The following DNAH6 variants were observed in gnomAD, a reference collection of about 807,000 sequenced individuals.
DNAH6 encodes axonemal beta dynein heavy chain 6.
A neutral mutation model predicts 491.4 loss-of-function variants in DNAH6; 340 were observed. That is an observed-to-expected ratio of 0.69 (90% CI 0.63 to 0.76). DNAH6 has a LOEUF of 0.76. Among genes scored for constraint, DNAH6 ranks in the 30% least tolerant of loss-of-function variants. DNAH6 has a pLI of 0.00. For synonymous variants in DNAH6, 1,603 were observed against 1,686.1 expected, an observed-to-expected ratio of 0.95 and a Z score of 1.21; for missense variants, 4,443 against 4,972.2, an observed-to-expected ratio of 0.89 and a Z score of 3.20.
chr2:84,605,384 C>T, intron 19 of DNAH6, 116 bp from the exon 20 acceptor site: 2 of 651,470 alleles, frequency 3.1e-6, no homozygotes, highest in Admixed American at 3.1e-5. Flanking sequence ...TTTTAGAGAG[C>T]AATAAGGAGG....
At chr2:84,542,103 C>G (rs943403243) in intron 4 of DNAH6, among the ~76,000 whole-genome samples, 3 of 152,090 alleles carry the variant, frequency 2.0e-5, no homozygotes, top group African/African-American at 7.2e-5. Context: ...GCACTGAGCA[C>G]CAAGTTAGAA....
chr2:84,742,036 A>G (rs952170265), intron 62 of DNAH6, among the ~76,000 whole-genome samples: 1 of 152,110 alleles, frequency 6.6e-6, no homozygotes, highest in Non-Finnish European at 1.5e-5. Context: ...CTGGTACTTC[A>G]TGTCTCTTCT....
intron 63 of DNAH6, among the ~76,000 whole-genome samples, chr2:84,760,790 G>A (rs1305969372): frequency 6.6e-6 from 1 of 152,184 alleles, no homozygotes; most frequent in African/African-American, 2.4e-5. Context: ...CTGTCACCCA[G>A]GCTGGATTGC....
intron 60 of DNAH6, among the ~76,000 whole-genome samples, chr2:84,724,820 A>G (rs1698473883): frequency 6.6e-6 from 1 of 152,242 alleles, no homozygotes; most frequent in Non-Finnish European, 1.5e-5. Context: ...TGGAAGCTCC[A>G]GGACTTCTTC....
intron 41 of DNAH6, among the ~76,000 whole-genome samples, chr2:84,679,190 G>A (rs1693538834): frequency 1.3e-5 from 2 of 152,188 alleles, no homozygotes; most frequent in African/African-American, 4.8e-5. Context: ...TATATATAAT[G>A]TTTTCAATAA....
chr2:84,621,071 A>G, intron 24 of DNAH6, 120 bp from the exon 25 acceptor site: 1 of 955,724 alleles, frequency 1.0e-6, no homozygotes, highest in Non-Finnish European at 1.5e-6. Flanking sequence ...TAGAAGTTTC[A>G]GTATTTGTGG....
intron 67 of DNAH6, among the ~76,000 whole-genome samples, chr2:84,786,307 T>C (rs1346125292): frequency 6.6e-6 from 1 of 151,624 alleles, no homozygotes; most frequent in Non-Finnish European, 1.5e-5. Context: ...ACACCTGTAG[T>C]CCCAGCTACT....
chr2:84,748,898 G>A (rs994099831), intron 63 of DNAH6, among the ~76,000 whole-genome samples: 1 of 152,204 alleles, frequency 6.6e-6, no homozygotes, highest in Non-Finnish European at 1.5e-5. Flanking sequence ...GGCTTCTGGT[G>A]AGGCCTCAGG....
At position 84,557,574 on chromosome 2, in the gene DNAH6, C is replaced by T. The variant is rs556673612; in HGVS notation, c.1603-161C>T. Among the ~76,000 whole-genome samples, 7 of 132,462 alleles carry T rather than the reference C, an allele frequency of 5.3e-5. No individual in the cohort carries two copies. The East Asian group carries it at 1.0e-3, about 20-fold the overall frequency. 86.9% of individuals were successfully genotyped at this position (132,462 alleles called of 152,430 possible). On this transcript the variant is annotated intron_variant, in intron 10 of 76. Transcript: ENST00000389394. ...CTGAGGCAGGAGAATGGCGTGAACC[C>T]GGGAAGCGGAGCTTGCAGTGAGCCG...
At chr2:84,548,087 A>G (rs991309759) in intron 7 of DNAH6, among the ~76,000 whole-genome samples, 1 of 152,224 alleles carries the variant, frequency 6.6e-6, no homozygotes, top group Admixed American at 6.5e-5. Flanking sequence ...ATGTCAGTAA[A>G]CTATCTATAA....
intron 43 of DNAH6, among the ~76,000 whole-genome samples, chr2:84,686,047 G>C (rs1276629297): frequency 6.6e-6 from 1 of 152,030 alleles, no homozygotes; most frequent in African/African-American, 2.4e-5. Context: ...AAATAGCTGG[G>C]TGTGGTGGTG....
At chr2:84,585,313 T>G (rs1016978865) in intron 15 of DNAH6, among the ~76,000 whole-genome samples, 1 of 152,162 alleles carries the variant, frequency 6.6e-6, no homozygotes, top group Non-Finnish European at 1.5e-5. Flanking sequence ...TATGGGATAT[T>G]TGGGGTGTCA....
At chr2:84,702,062 A>G (rs1478167489) in intron 49 of DNAH6, among the ~76,000 whole-genome samples, 2 of 152,192 alleles carry the variant, frequency 1.3e-5, no homozygotes, top group Non-Finnish European at 2.9e-5. Flanking sequence ...TCTCTATGGT[A>G]TTTAATACAG....
At chr2:84,763,027 G>T in intron 64 of DNAH6, 82 bp downstream of exon 64, 1 of 1,016,046 alleles carries the variant, frequency 9.8e-7, no homozygotes, top group Non-Finnish European at 1.5e-6. Context: ...TCTTCCCCTT[G>T]TAGAGCATAA....
chr2:84,607,049 G>C lies in DNAH6; in HGVS notation c.3248G>C (p.Arg1083Pro), dbSNP rs1239194324. 2 of 1,551,342 alleles carry C rather than the reference G, an allele frequency of 1.3e-6. No individual in the cohort carries two copies. Among genetic ancestry groups the C allele is most frequent in the East Asian group, 2.4e-5 (1 of 40,904 alleles). Reference sequence around the variant, plus strand: ...CGTTACCTTGGTCCACTGAAAACTCGAGTGGATGAATGGCAAAAACAACTT... The same window carrying C: ...CGTTACCTTGGTCCACTGAAAACTCCAGTGGATGAATGGCAAAAACAACTT... ...SSRYLGPLKT[R>P]VDEWQKQLAL... Residue 1083 changes from arginine to proline, a missense_variant, in exon 21 of 77, where the codon CGA (arginine) becomes CCA (proline). Around this residue, in one of 3 missense-constraint regions of DNAH6, gnomAD observed 2,977 missense variants for 3,296.6 expected, o/e 0.90. Coordinates refer to ENST00000389394, the MANE Select transcript of DNAH6 (RefSeq NM_001370.2).
chr2:84,479,489 G>A, the DNAH6 span, among the ~76,000 whole-genome samples: 2 of 152,194 alleles, frequency 1.3e-5, no homozygotes, highest in African/African-American at 4.8e-5. Flanking sequence ...TTAATAGATA[G>A]CCTCTCCCAA....
chr2:84,519,296 A>G (rs183393118), intron 2 of DNAH6, among the ~76,000 whole-genome samples: 275 of 152,088 alleles, frequency 1.8e-3, no homozygotes, highest in African/African-American at 6.4e-3. Context: ...CAGAATTTTT[A>G]GCAAAATAAA....
chr2:84,805,786 G>A lies in DNAH6; in HGVS notation c.11603G>A (p.Arg3868Lys), dbSNP rs1679363562. 1 of 1,549,544 alleles carries A rather than the reference G, an allele frequency of 6.5e-7. No homozygotes were observed. The highest frequency in any genetic ancestry group is 1.4e-5 in the African/African-American group (1 of 73,056). Residue 3868 changes from arginine to lysine, a missense_variant, in exon 71 of 77, where the codon AGA (arginine) becomes AAA (lysine). Arg to Lys is a conservative substitution (Grantham distance 26, BLOSUM62 2). Transcript: ENST00000389394. ...GAACTTGTTGCTTCTGTCCAGACCA[G>A]AGTTCCAGGTAATAAATAATTCTAG... is the stretch of plus-strand genomic sequence containing the variant. The part of the protein sequence containing the change: ...VQELVASVQT[R>K]VPEKLEMEGA...
intron 29 of DNAH6, among the ~76,000 whole-genome samples, chr2:84,633,985 A>G: frequency 6.6e-6 from 1 of 152,226 alleles, no homozygotes; most frequent in East Asian, 1.9e-4. Context: ...AAGAAATGCC[A>G]CACTTTAGAT....
Sources: allele counts gnomAD v4.1 joint callset (sites outside exome capture counted in the v4.1 genomes callset), GRCh38; gene constraint gnomAD v4.1.1; regional missense constraint gnomAD v4.1.1; transcripts MANE v1.5; gene names NCBI Gene and HGNC (gene_info 2026-07-23, HGNC 2026-07-21).